Variants in RPL8 observed in about 807,000 individuals in gnomAD.
RPL8 encodes the protein ribosomal protein L8.
For missense variants in RPL8, 248 were observed against 365.9 expected (o/e 0.68, Z 2.63); for synonymous variants, 182 against 143.2 (o/e 1.27, Z -1.94).
intron 3 of RPL8, chr8:144,790,730 C>A: frequency 1.5e-6 from 1 of 668,742 alleles, no homozygotes; most frequent in African/African-American, 1.8e-5. Context: ...GCACCCCCCT[C>A]ACCATGTGTG....
At position 144,791,988 on chromosome 8, in the gene RPL8, G is replaced by A. The variant is rs777346795; in HGVS notation, c.138+4C>T. 3.7e-6 allele frequency: 6 copies of A among 1,608,390 alleles called. No homozygotes were observed. Among genetic ancestry groups the A allele is most frequent in the South Asian group, 3.3e-5 (3 of 90,704 alleles). The stretch of plus-strand genomic sequence containing the variant: ...CCCCTCCCGCCCCGGCCAGCGTTCC[G>A]CACCTTGACGATGCCCTTGATGTAG... On this transcript the variant is annotated splice_donor_region_variant and intron_variant, in intron 1 of 4. Coordinates refer to ENST00000528957, the MANE Select transcript of RPL8 (RefSeq NM_001317782.2).
At position 144,789,879 on chromosome 8, in the gene RPL8, G is replaced by T. The variant is rs778619469; in HGVS notation, c.699C>A (p.Arg233=). 1 of 1,613,404 alleles carries T rather than the reference G, an allele frequency of 6.2e-7. No homozygotes were observed. The highest frequency in any genetic ancestry group is 1.1e-5 in the South Asian group (1 of 91,048). Residue 233 remains arginine (R), a synonymous_variant, in exon 5 of 5, where the codon CGC becomes CGA. Transcript: ENST00000528957. ...GGCGGGCAGCAATGAGACCCACTTT[G>T]CGGCCAGCAGGGGCATCTCTGCGGA... ...STIRRDAPAG[R]KVGLIAARRT...
rs762587681 is a variant in RPL8 at position 144,791,486 on chromosome 8, T to C, written c.290A>G (p.Asn97Ser). The change falls in exon 3 of 5, where the codon AAC becomes AGC. Residue 97 changes from asparagine (N) to serine (S), a missense_variant. Transcript: ENST00000528957. ...GCCCACAGGGAGCACATTGCCAATG[T>C]TGAGCTGGGCTGCAAGGGGAAGCAG... is the stretch of plus-strand genomic sequence containing the variant. ...FVYCGKKAQL[N>S]IGNVLPVGTM... 3.4e-5 allele frequency: 55 copies of C among 1,613,512 alleles called. No homozygotes were observed. The highest frequency in any genetic ancestry group is 4.4e-5 in the South Asian group (4 of 91,076).
At chr8:144,791,726 C>T (rs911825307) in intron 2 of RPL8, 47 bp downstream of exon 2, 10 of 1,611,178 alleles carry the variant, frequency 6.2e-6, no homozygotes, top group South Asian at 2.2e-5. Flanking sequence ...CAGGCAACAC[C>T]CAGACCCCTC....
Position 144,791,928 on chromosome 8 carries a change from C to T in RPL8, c.139-14G>A. On this transcript the variant is annotated splice_polypyrimidine_tract_variant and intron_variant, in intron 1 of 4. Transcript: ENST00000528957. ...GTGGATGATGTCCTGTGGGCAGAGG[C>T]GGCGTGAGTGCGGCGTTCCGGCCGG... 6.2e-7 allele frequency: 1 copy of T among 1,611,708 alleles called. No individual in the cohort carries two copies. The highest frequency in any genetic ancestry group is 8.5e-7 in the Non-Finnish European group (1 of 1,179,116).
rs901825553 is a variant in RPL8, at chr8:144,792,321, G to A, written c.-192C>T. On this transcript the variant is annotated 5_prime_UTR_variant, in exon 1 of 5. Coordinates refer to ENST00000528957, the MANE Select transcript of RPL8 (RefSeq NM_001317782.2). ...CTCAGCGCGCCTCACGGAAGAGGATGGCGGCGGATACTGCCCATGCCGCAA... is the reference window on the plus strand; with the variant it reads ...CTCAGCGCGCCTCACGGAAGAGGATAGCGGCGGATACTGCCCATGCCGCAA... The A allele has an allele frequency of 1.2e-5, 11 of 881,428 alleles. No homozygotes were observed. The highest frequency in any genetic ancestry group is 4.2e-5 in the Admixed American group (1 of 23,776). The allele number at this position is 881,428 out of a possible 1,614,324, so 54.6% of individuals were successfully genotyped here. A position where few individuals can be genotyped will look rare whatever the true frequency, so the allele number is the denominator to read the frequency against.
chr8:144,791,606 G>C, intron 2 of RPL8, 111 bp from the exon 3 acceptor site: 2 of 1,466,894 alleles, frequency 1.4e-6, no homozygotes, highest in Middle Eastern at 2.3e-4. Context: ...CCAGCCTCCC[G>C]GTACAACTCT....
intron 2 of RPL8, 83 bp from the exon 3 acceptor site, chr8:144,791,578 G>T: frequency 1.2e-5 from 18 of 1,509,380 alleles, no homozygotes; most frequent in Non-Finnish European, 1.6e-5. Context: ...GCGAAGTTGC[G>T]AGCACAGCAT....
At chr8:144,791,647 C>A (rs2954657) in intron 2 of RPL8, 126 bp downstream of exon 2, 8 of 1,521,812 alleles carry the variant, frequency 5.3e-6, no homozygotes, top group Non-Finnish European at 7.1e-6. Context: ...ACTGGTCTGG[C>A]CACGCGGATG....
intron 3 of RPL8, chr8:144,790,965 G>C (rs1166184522): frequency 2.1e-6 from 1 of 473,332 alleles, no homozygotes. Context: ...ATCTCTCCCT[G>C]CCTTCTCTAA....
At chr8:144,791,682 G>A (rs1826524967) in intron 2 of RPL8, 91 bp downstream of exon 2, 1 of 1,582,146 alleles carries the variant, frequency 6.3e-7, no homozygotes, top group African/African-American at 1.3e-5. Context: ...TTCTGCCTGC[G>A]AGGTTCCCAT....
At chr8:144,791,551 C>T in intron 2 of RPL8, 56 bp from the exon 3 acceptor site, 2 of 1,573,148 alleles carry the variant, frequency 1.3e-6, no homozygotes, top group Non-Finnish European at 1.7e-6. Context: ...TGCGAACCCC[C>T]TCGCTCTAGG....
intron 2 of RPL8, 76 bp downstream of exon 2, chr8:144,791,697 G>A (rs1826525574): frequency 1.3e-6 from 2 of 1,599,984 alleles, no homozygotes; most frequent in Admixed American, 1.7e-5. Flanking sequence ...TCCCATATCG[G>A]CTTAGGACGT....
At position 144,792,063 on chromosome 8, in the gene RPL8, G is replaced by A. The variant is rs763496738; in HGVS notation, c.67C>T (p.Arg23Cys). ...GSVFRAHVKHRKGAARLRAVD... is the reference protein window; with the variant it reads ...GSVFRAHVKHCKGAARLRAVD... The stretch of plus-strand genomic sequence containing the variant: ...GCGCGCAGGCGCGCAGCGCCTTTAC[G>A]GTGCTTCACGTGCGCGCGGAACACA... The change falls in exon 1 of 5, where the codon CGT becomes TGT. Residue 23 changes from arginine (R) to cysteine (C), a missense_variant. Physicochemically the swap from Arg to Cys is radical, Grantham distance 180 (BLOSUM62 -3). Transcript: ENST00000528957. 6 of 1,607,426 alleles carry A rather than the reference G, an allele frequency of 3.7e-6. No individual in the cohort carries two copies. The highest frequency in any genetic ancestry group is 1.3e-5 in the African/African-American group (1 of 74,912).
intron 3 of RPL8, chr8:144,790,828 C>T (rs1826482962): frequency 1.8e-6 from 1 of 547,914 alleles, no homozygotes; most frequent in African/African-American, 1.9e-5. Context: ...AACACAACCT[C>T]AGAGCCTCCC....
intron 3 of RPL8, chr8:144,790,773 GAC>G (rs1040111651): frequency 8.1e-6 from 5 of 617,856 alleles, no homozygotes; most frequent in African/African-American, 7.2e-5. Context: ...CCTGACGTAA[GAC>G]ACTTGATTCA....
intron 3 of RPL8, chr8:144,790,747 C>G (rs559266095): frequency 2.7e-4 from 172 of 647,884 alleles, no homozygotes; most frequent in African/African-American, 2.5e-3. Context: ...TGTGAGACGT[C>G]AGGCCGGCCA....
At position 144,792,336 on chromosome 8, in the gene RPL8, C is replaced by G; in HGVS notation, c.-207G>C. 1.3e-6 allele frequency: 1 copy of G among 791,688 alleles called. No individual in the cohort carries two copies. The highest frequency in any genetic ancestry group is 1.8e-6 in the Non-Finnish European group (1 of 566,324). 49.0% of individuals were successfully genotyped at this position (791,688 alleles called of 1,614,324 possible). On this transcript the variant is annotated 5_prime_UTR_variant, in exon 1 of 5. Coordinates refer to ENST00000528957, the MANE Select transcript of RPL8 (RefSeq NM_001317782.2). ...GGAAGAGGATGGCGGCGGATACTGC[C>G]CATGCCGCAAGGCCGCAAGGATGAC...
chr8:144,790,110 C>T (rs1826447093), intron 4 of RPL8, 148 bp from the exon 5 acceptor site: 1 of 1,053,372 alleles, frequency 9.5e-7, no homozygotes. Flanking sequence ...TGACTCTTTC[C>T]AGCTCAGGCC....
Sources: allele counts gnomAD v4.1 joint callset, GRCh38; gene constraint gnomAD v4.1.1; transcripts MANE v1.5; gene names NCBI Gene and HGNC (gene_info 2026-07-23, HGNC 2026-07-21).